The following CDK5RAP1 variants were observed in gnomAD, a reference collection of about 807,000 sequenced individuals.
CDK5RAP1 encodes the protein mitochondrial tRNA methylthiotransferase CDK5RAP1.
Under a neutral mutation model 64.5 loss-of-function variants are expected in CDK5RAP1, and 62 were observed. The ratio of observed to expected loss-of-function variants is 0.96; its 90% CI spans 0.78 to 1.19. The LOEUF (loss-of-function observed/expected upper bound fraction) is 1.19. Among genes scored for constraint, CDK5RAP1 ranks in the 50% most tolerant of loss-of-function variants. CDK5RAP1 has a pLI of 0.00. For synonymous variants in CDK5RAP1, 250 were observed against 261.9 expected (o/e 0.95, Z 0.44); for missense variants, 657 against 735.0 (o/e 0.89, Z 1.23).
rs982318118 is a variant in CDK5RAP1 at position 33,394,064 on chromosome 20, T to G, written c.411A>C (p.Ala137=). Residue 137 remains alanine, a splice_region_variant and synonymous_variant, in exon 4 of 14, where the codon GCA becomes GCC. Transcript: ENST00000346416. ...AGCATGTGACAAGGAGAATCACATC[T>G]GCCTGAATGGAAAGAAAGGAAAACA... ...GYLRTSNLQE[A]DVILLVTCSI... The G allele has an allele frequency of 3.1e-6, 5 of 1,595,724 alleles. No homozygotes were observed. Among genetic ancestry groups the G allele is most frequent in the Non-Finnish European group, 4.3e-6 (5 of 1,163,220 alleles).
intron 5 of CDK5RAP1, among the ~76,000 whole-genome samples, chr20:33,388,508 C>T (rs993149504): frequency 1.6e-5 from 2 of 128,228 alleles, no homozygotes; most frequent in Non-Finnish European, 3.2e-5. Flanking sequence ...TTTTTCAGCT[C>T]CCTCTCCCTC....
chr20:33,388,516 C>T (rs1348869082), intron 5 of CDK5RAP1, among the ~76,000 whole-genome samples: 2 of 134,662 alleles, frequency 1.5e-5, no homozygotes, highest in Non-Finnish European at 3.2e-5. Context: ...CTCCCTCTCC[C>T]TCTCCCTCTC....
Position 33,396,941 on chromosome 20 carries a change from GACACATGGT to G in CDK5RAP1, c.115_123del (p.Thr39_Cys41del), listed in dbSNP as rs1331190004. 6.2e-7 allele frequency: 1 copy of G among 1,614,146 alleles called. No homozygotes were observed. Among genetic ancestry groups the G allele is most frequent in the South Asian group, 1.1e-5 (1 of 91,080 alleles). Reference sequence around the variant, plus strand: ...CCATCCTCCTGCCTCTCTGGACTGGGACACATGGTACTAGAGAGACTGCTGTGTGCCCTG... The same window carrying G: ...CCATCCTCCTGCCTCTCTGGACTGGGACTAGAGAGACTGCTGTGTGCCCTG... On this transcript the variant is annotated inframe_deletion, in exon 2 of 14. Coordinates refer to ENST00000346416, the MANE Select transcript of CDK5RAP1 (RefSeq NM_016408.4).
chr20:33,372,910 A>G (rs1019768242), intron 9 of CDK5RAP1: 17 of 342,090 alleles, frequency 5.0e-5, no homozygotes, highest in African/African-American at 4.1e-4. Context: ...TTAAGGACAT[A>G]AACTTTTTTT....
At chr20:33,392,632 T>C (rs1988448367) in intron 4 of CDK5RAP1, among the ~76,000 whole-genome samples, 1 of 152,078 alleles carries the variant, frequency 6.6e-6, no homozygotes, top group Admixed American at 6.6e-5. Context: ...GGAAGGTAGG[T>C]AGGGGGCCAC....
intron 8 of CDK5RAP1, among the ~76,000 whole-genome samples, chr20:33,375,657 C>A (rs1001455047): frequency 1.3e-5 from 2 of 152,100 alleles, no homozygotes; most frequent in African/African-American, 2.4e-5. Flanking sequence ...CCATGCCAGG[C>A]ACTGTGCTAA....
At chr20:33,379,018 C>A (rs1012506565) in intron 8 of CDK5RAP1, among the ~76,000 whole-genome samples, 5 of 152,022 alleles carry the variant, frequency 3.3e-5, no homozygotes, top group Non-Finnish European at 5.9e-5. Context: ...GGTGCGATCT[C>A]GGCTCACTGC....
At chr20:33,378,588 A>C (rs1369340269) in intron 8 of CDK5RAP1, among the ~76,000 whole-genome samples, 1 of 152,250 alleles carries the variant, frequency 6.6e-6, no homozygotes, top group Non-Finnish European at 1.5e-5. Flanking sequence ...ATATCTGCAG[A>C]GTGCAATAAA....
chr20:33,368,847 G>A (rs549851595), intron 11 of CDK5RAP1, among the ~76,000 whole-genome samples: 54 of 151,892 alleles, frequency 3.6e-4, no homozygotes, highest in African/African-American at 1.3e-3. Flanking sequence ...CTTCAGCCTG[G>A]GCAACAAGAG....
intron 12 of CDK5RAP1, among the ~76,000 whole-genome samples, chr20:33,366,315 T>C (rs1380012584): frequency 2.1e-5 from 2 of 96,786 alleles, no homozygotes; most frequent in Admixed American, 1.4e-4. Context: ...TGAGACTCCA[T>C]CTCAAAAAAA....
chr20:33,397,032 C>T lies in CDK5RAP1; in HGVS notation c.33G>A (p.Gln11=). 6.2e-7 allele frequency: 1 copy of T among 1,613,476 alleles called. No homozygotes were observed. The highest frequency in any genetic ancestry group is 8.5e-7 in the Non-Finnish European group (1 of 1,179,716). The change falls in exon 2 of 14, where the codon CAG becomes CAA. Residue 11 remains glutamine, a synonymous_variant. Coordinates refer to ENST00000346416, the MANE Select transcript of CDK5RAP1 (RefSeq NM_016408.4). ...CCAATGGTCCCCACCCCAGAGACCT[C>T]TGCACTTGGAGGACACACTGTAAAG... is the stretch of plus-strand genomic sequence containing the variant. MHPLQCVLQV[Q]RSLGWGPLAS... is the part of the protein sequence containing the mutation.
chr20:33,359,140 C>G lies in CDK5RAP1; in HGVS notation c.1684-17G>C, dbSNP rs115726281. Reference sequence around the variant, plus strand: ...TGAGGTGATCTGAAAGAAAACCAGGCAGAAGAAGGCAAAATAACTAGGACT... The same window carrying G: ...TGAGGTGATCTGAAAGAAAACCAGGGAGAAGAAGGCAAAATAACTAGGACT... On this transcript the variant is annotated splice_polypyrimidine_tract_variant and intron_variant, in intron 13 of 13. Transcript: ENST00000346416. The G allele has an allele frequency of 4.4e-6, 7 of 1,584,954 alleles. No homozygotes were observed. Among genetic ancestry groups the G allele is most frequent in the Non-Finnish European group, 6.1e-6 (7 of 1,153,726 alleles).
intron 1 of CDK5RAP1, among the ~76,000 whole-genome samples, chr20:33,398,221 A>G (rs1174158993): frequency 1.3e-5 from 2 of 152,206 alleles, no homozygotes; most frequent in Non-Finnish European, 2.9e-5. Flanking sequence ...GTCTAGGCAC[A>G]GTGGCTCATG....
chr20:33,379,623 G>A lies in CDK5RAP1; in HGVS notation c.945C>T (p.Phe315=). ...TGAGATTGGTAGGCACTGCACTGTT[G>A]AACTGGACCTCCGAATTGTCCCGAA... ...NSFRDNSEVQ[F]NSAVPTNLSR... Residue 315 remains phenylalanine, a synonymous_variant, in exon 8 of 14, where the codon TTC becomes TTT. Coordinates refer to ENST00000346416, the MANE Select transcript of CDK5RAP1 (RefSeq NM_016408.4). 1.2e-6 allele frequency: 2 copies of A among 1,614,088 alleles called. No individual in the cohort carries two copies. The highest frequency in any genetic ancestry group is 1.7e-6 in the Non-Finnish European group (2 of 1,179,988).
chr20:33,398,351 G>A (rs1041405788), intron 1 of CDK5RAP1, among the ~76,000 whole-genome samples: 9 of 151,988 alleles, frequency 5.9e-5, no homozygotes, highest in African/African-American at 1.9e-4. Flanking sequence ...AAAATTAGCT[G>A]GATGTGGTGG....
chr20:33,397,619 C>T (rs1989025048), intron 1 of CDK5RAP1, among the ~76,000 whole-genome samples: 1 of 152,210 alleles, frequency 6.6e-6, no homozygotes, highest in Non-Finnish European at 1.5e-5. Context: ...TGTCTGAGGG[C>T]ATCTTCCTTT....
At chr20:33,388,772 G>A (rs190197040) in intron 5 of CDK5RAP1, among the ~76,000 whole-genome samples, 159 of 152,128 alleles carry the variant, frequency 1.0e-3, no homozygotes, top group Non-Finnish European at 1.5e-3. Context: ...TTGCAGGCGC[G>A]CGCCGCCACG....
chr20:33,385,243 A>T (rs1003136276), intron 7 of CDK5RAP1, among the ~76,000 whole-genome samples: 2 of 152,254 alleles, frequency 1.3e-5, no homozygotes, highest in African/African-American at 4.8e-5. Context: ...TGGAAGAGAC[A>T]AATTCATAAT....
rs199794476 is a variant in CDK5RAP1, at chr20:33,367,029, A to G, written c.1393-21T>C. ...GTCTTCTATTAAAAAAAAAAAAAAG[A>G]GAGAAGATGGAGGTCACCAAGGACT... On this transcript the variant is annotated intron_variant, in intron 11 of 13. Transcript: ENST00000346416. 6.1e-5 allele frequency: 98 copies of G among 1,593,706 alleles called. No homozygotes were observed. In the African/African-American group the frequency reaches 1.2e-3, roughly 19 times the overall value.
Sources: allele counts gnomAD v4.1 joint callset (sites outside exome capture counted in the v4.1 genomes callset), GRCh38; gene constraint gnomAD v4.1.1; transcripts MANE v1.5; gene names NCBI Gene and HGNC (gene_info 2026-07-23, HGNC 2026-07-21).